Variants in ASXL1 observed in about 807,000 individuals in gnomAD.
The protein encoded by ASXL1 is ASXL transcriptional regulator 1, also known as polycomb group protein ASXL1.
Under a neutral mutation model 89.1 loss-of-function variants are expected in ASXL1, and 65 were observed. That is an observed-to-expected ratio of 0.73 (90% confidence interval 0.60 to 0.90). The LOEUF is 0.90. Among genes scored for constraint, ASXL1 ranks in the 40% least tolerant of loss-of-function variants. ASXL1 has a pLI of 0.00. For missense variants in ASXL1, 1,786 were observed against 1,942.9 expected (o/e 0.92, Z 1.52); for synonymous variants, 739 against 746.9 (o/e 0.99, Z 0.17).
intron 4 of ASXL1, among the ~76,000 whole-genome samples, chr20:32,420,175 G>T (rs1376009826): frequency 9.9e-5 from 15 of 151,138 alleles, no homozygotes; most frequent in Admixed American, 7.3e-4. Context: ...ATCCCTTCTT[G>T]TTTCTATTAT....
chr20:32,434,805 C>T lies in ASXL1; in HGVS notation c.2093C>T (p.Pro698Leu), dbSNP rs2145363029. The T allele has an allele frequency of 2.5e-6, 4 of 1,614,008 alleles. No individual in the cohort carries two copies. Among genetic ancestry groups the T allele is most frequent in the African/African-American group, 1.3e-5 (1 of 75,030 alleles). ...GATCTACAGCGAACACAACTACTGC[C>T]GCCTTATCCTCTAAATGGGGAGCAT... ...TSDLQRTQLL[P>L]PYPLNGEHTQ... Residue 698 changes from proline to leucine, a missense_variant, in exon 13 of 13, where the codon CCG (proline) becomes CTG (leucine). Pro to Leu is a moderately conservative substitution (Grantham distance 98). This residue lies in a region of ASXL1 where 1,418 missense variants were observed against 1,427.8 expected (regional missense o/e 0.99). Transcript: ENST00000375687.
At position 32,435,629 on chromosome 20, in the gene ASXL1, A is replaced by G. The variant is rs772538894; in HGVS notation, c.2917A>G (p.Ser973Gly). Residue 973 changes from serine (S) to glycine (G), a missense_variant, in exon 13 of 13, where the codon AGT becomes GGT. This residue lies in a region of ASXL1 where 1,418 missense variants were observed against 1,427.8 expected (regional missense o/e 0.99). Transcript: ENST00000375687. ...TCGAGGAGGCAGTGACAGCAATGGCAGTTACTGTCAACAGGTGGACATTGA... is the reference window on the plus strand; with the variant it reads ...TCGAGGAGGCAGTGACAGCAATGGCGGTTACTGTCAACAGGTGGACATTGA... ...PSRGGSDSNG[S>G]YCQQVDIEKL... is the part of the protein sequence containing the mutation. 1 of 1,614,044 alleles carries G rather than the reference A, an allele frequency of 6.2e-7. No individual in the cohort carries two copies. The highest frequency in any genetic ancestry group is 1.3e-5 in the African/African-American group (1 of 74,912).
chr20:32,429,681 G>C lies in ASXL1; in HGVS notation c.566-220G>C. 1 of 709,030 alleles carries C rather than the reference G, an allele frequency of 1.4e-6. No homozygotes were observed. Among genetic ancestry groups the C allele is most frequent in the Non-Finnish European group, 2.3e-6 (1 of 432,026 alleles). The allele number at this position is 709,030 out of a possible 1,614,324, so 43.9% of individuals were successfully genotyped here. On this transcript the variant is annotated intron_variant, in intron 7 of 12. Transcript: ENST00000375687. This position sits in a 1 kb window ranked among gnomAD's most constrained non-coding sequence, Gnocchi z 4.9. Reference sequence around the variant, plus strand: ...TGATTATGCCAGTGCTTTGTAAAAGGTGTAGTGCTATACAAATAAAGATGG... The same window carrying C: ...TGATTATGCCAGTGCTTTGTAAAAGCTGTAGTGCTATACAAATAAAGATGG...
In ASXL1 at chr20:32,435,176, A is replaced by G. The variant is rs2011743270; in HGVS notation, c.2464A>G (p.Thr822Ala). 3 of 1,613,906 alleles carry G rather than the reference A, an allele frequency of 1.9e-6. No homozygotes were observed. The highest frequency in any genetic ancestry group is 3.3e-5 in the Admixed American group (2 of 60,022). ...GPIPSLVGDD[T>A]LEKGTGQALD... Reference sequence around the variant, plus strand: ...CATTCCGTCTCTAGTGGGAGATGATACATTAGAGAAAGGAACTGGCCAAGC... The same window carrying G: ...CATTCCGTCTCTAGTGGGAGATGATGCATTAGAGAAAGGAACTGGCCAAGC... The change falls in exon 13 of 13, where the codon ACA becomes GCA. Residue 822 changes from threonine (T) to alanine (A), a missense_variant. By Grantham distance (58) the Thr-to-Ala change is moderately conservative. Coordinates refer to ENST00000375687, the MANE Select transcript of ASXL1 (RefSeq NM_015338.6).
intron 4 of ASXL1, among the ~76,000 whole-genome samples, chr20:32,397,050 T>G (rs1388389100): frequency 6.7e-6 from 1 of 149,516 alleles, no homozygotes; most frequent in African/African-American, 2.4e-5. Context: ...TTCCCTGTAT[T>G]TTTCTTTTTC....
chr20:32,364,739 G>A (rs1306356563), intron 1 of ASXL1, among the ~76,000 whole-genome samples: 1 of 152,184 alleles, frequency 6.6e-6, no homozygotes, highest in Non-Finnish European at 1.5e-5. Context: ...GGGCAGGTTT[G>A]CTTTGCTGGG....
intron 1 of ASXL1, chr20:32,359,789 C>A: frequency 1.4e-6 from 1 of 718,026 alleles, no homozygotes; most frequent in Non-Finnish European, 2.6e-6. Flanking sequence ...AGAGGACTTG[C>A]AGGTGAAATA....
chr20:32,386,255 A>G (rs560171716), intron 4 of ASXL1, among the ~76,000 whole-genome samples: 1 of 152,352 alleles, frequency 6.6e-6, no homozygotes, highest in African/African-American at 2.4e-5. Flanking sequence ...AGCAGTTCTC[A>G]GTGCCAACAG....
intron 4 of ASXL1, among the ~76,000 whole-genome samples, chr20:32,407,384 A>G (rs1482582038): frequency 2.0e-5 from 3 of 152,018 alleles, no homozygotes; most frequent in Non-Finnish European, 2.9e-5. Context: ...ATACACACAC[A>G]TATACACACT....
intron 1 of ASXL1, chr20:32,359,246 TG>T: frequency 2.9e-6 from 2 of 701,486 alleles, no homozygotes; most frequent in South Asian, 3.0e-5. Context: ...TGGTGGGTAA[TG>T]GGGTGGTGCC....
At chr20:32,425,853 C>T (rs939330363) in intron 4 of ASXL1, among the ~76,000 whole-genome samples, 6 of 151,982 alleles carry the variant, frequency 3.9e-5, no homozygotes, top group African/African-American at 9.7e-5. Flanking sequence ...TGCAGGTGTG[C>T]GCCACCACGC....
rs1257482301 is a variant in ASXL1 at position 32,411,031 on chromosome 20, C to CAAAAAAAAAAA, written c.253-17092_253-17082dup. 1.7e-3 allele frequency among the ~76,000 whole-genome samples: 46 copies of CAAAAAAAAAAA among 27,674 alleles called. 4 individuals are homozygous for CAAAAAAAAAAA. Among genetic ancestry groups the CAAAAAAAAAAA allele is most frequent in the African/African-American group, 4.9e-3 (46 of 9,434 alleles). The allele number at this position is 27,674 out of a possible 152,430, so 18.2% of individuals were successfully genotyped here. A position where few individuals can be genotyped will look rare whatever the true frequency, so the allele number is the denominator to read the frequency against. ...TGGGCAACAGAACAAGACTCTGTCT[C>CAAAAAAAAAAA]AAAAAAAAAAAAAAATAAAAAAAAT... On this transcript the variant is annotated intron_variant, in intron 4 of 12. Transcript: ENST00000375687.
chr20:32,358,494 C>G lies in ASXL1; in HGVS notation c.-282C>G. The stretch of plus-strand genomic sequence containing the variant: ...CCTCTGACCCCGTGGTTATGCGGAG[C>G]CGCCGCATTCCTTAGCGATCGCGGG... On this transcript the variant is annotated 5_prime_UTR_variant, in exon 1 of 13. Transcript: ENST00000375687. The G allele has an allele frequency of 4.3e-6, 1 of 230,066 alleles. No homozygotes were observed. The highest frequency in any genetic ancestry group is 8.6e-6 in the Non-Finnish European group (1 of 116,200). 14.3% of individuals were successfully genotyped at this position (230,066 alleles called of 1,614,324 possible).
Position 32,435,414 on chromosome 20 carries a change from T to C in ASXL1, c.2702T>C (p.Ile901Thr), listed in dbSNP as rs753864486. ...VSNSSLHWIPIPSNDEVVKQP... is the reference protein window; with the variant it reads ...VSNSSLHWIPTPSNDEVVKQP... ...AACAGTTCTTTGCATTGGATACCCA[T>C]CCCATCGAATGATGAGGTAGTGAAA... The change falls in exon 13 of 13, where the codon ATC becomes ACC. Residue 901 changes from isoleucine to threonine, a missense_variant. Coordinates refer to ENST00000375687, the MANE Select transcript of ASXL1 (RefSeq NM_015338.6). 1.2e-6 allele frequency: 2 copies of C among 1,614,038 alleles called. No individual in the cohort carries two copies. Among genetic ancestry groups the C allele is most frequent in the Non-Finnish European group, 1.7e-6 (2 of 1,180,014 alleles).
In ASXL1 at chr20:32,437,351, A is replaced by G. The variant is rs981495838; in HGVS notation, c.*13A>G. On this transcript the variant is annotated 3_prime_UTR_variant, in exon 13 of 13. Coordinates refer to ENST00000375687, the MANE Select transcript of ASXL1 (RefSeq NM_015338.6). ...TGTGGTGAGATAATAAATTATGGCC[A>G]TGGGAAACATTGTATATTTAGTGTG... is the stretch of plus-strand genomic sequence containing the variant. 17 of 1,611,932 alleles carry G rather than the reference A, an allele frequency of 1.1e-5. No individual in the cohort carries two copies. Among genetic ancestry groups the G allele is most frequent in the Middle Eastern group, 1.7e-4 (1 of 6,056 alleles).
chr20:32,429,984 A>G lies in ASXL1; in HGVS notation c.649A>G (p.Ile217Val). 6.2e-7 allele frequency: 1 copy of G among 1,609,002 alleles called. No individual in the cohort carries two copies. Among genetic ancestry groups the G allele is most frequent in the Admixed American group, 1.7e-5 (1 of 60,020 alleles). The change falls in exon 8 of 13, where the codon ATT (isoleucine) becomes GTT (valine). Residue 217 changes from isoleucine to valine, a missense_variant. By Grantham distance (29) the Ile-to-Val change is conservative (BLOSUM62 3). This residue lies in a region of ASXL1 where 332 missense variants were observed against 449.7 expected (regional missense o/e 0.74). Transcript: ENST00000375687. The surrounding 1 kb of genome is among the most constrained non-coding windows in gnomAD (Gnocchi z 4.9). Reference sequence around the variant, plus strand: ...CTCTCTGGCCCTGGGCAGCGCTGCTATTCGTGGCCAGGCCGAGGTCACCCA... The same window carrying G: ...CTCTCTGGCCCTGGGCAGCGCTGCTGTTCGTGGCCAGGCCGAGGTCACCCA... ...SGSLALGSAA[I>V]RGQAEVTQDP...
rs200198574 is a variant in ASXL1, at chr20:32,358,851, G to T, written c.57+19G>T. ...GCGCCTGGTGAGGCGGACAGCCGAG[G>T]GGGGCTCCGTGGGGCCCGGGGTGGG... is the stretch of plus-strand genomic sequence containing the variant. On this transcript the variant is annotated intron_variant, in intron 1 of 12. Transcript: ENST00000375687. 23 of 1,504,530 alleles carry T rather than the reference G, an allele frequency of 1.5e-5. No individual in the cohort carries two copies. The highest frequency in any genetic ancestry group is 1.9e-5 in the Non-Finnish European group (21 of 1,125,688). The allele number at this position is 1,504,530 out of a possible 1,614,324, so 93.2% of individuals were successfully genotyped here. A position where few individuals can be genotyped will look rare whatever the true frequency, so the allele number is the denominator to read the frequency against.
intron 4 of ASXL1, among the ~76,000 whole-genome samples, chr20:32,388,824 T>C (rs2122975615): frequency 6.6e-6 from 1 of 152,272 alleles, no homozygotes; most frequent in Admixed American, 6.5e-5. Context: ...CTATAAGACC[T>C]GGGCATGTAT....
At chr20:32,375,516 A>G (rs2122878335) in intron 4 of ASXL1, among the ~76,000 whole-genome samples, 1 of 152,214 alleles carries the variant, frequency 6.6e-6, no homozygotes, top group South Asian at 2.1e-4. Flanking sequence ...ATCACACTCA[A>G]GAAACTTAAC....
Sources: allele counts gnomAD v4.1 joint callset (sites outside exome capture counted in the v4.1 genomes callset), GRCh38; gene constraint gnomAD v4.1.1; regional missense constraint gnomAD v4.1.1; non-coding constraint Gnocchi (gnomAD v3.1); transcripts MANE v1.5; gene names NCBI Gene and HGNC (gene_info 2026-07-23, HGNC 2026-07-21).